The following CNTN1 variants were observed in gnomAD, a reference collection of about 807,000 sequenced individuals.
CNTN1 encodes contactin-1.
CNTN1 carries 38 observed loss-of-function variants against 126.4 expected under a neutral mutation model. The observed-to-expected ratio is 0.30, with a 90% CI of 0.23 to 0.39. The LOEUF (loss-of-function observed/expected upper bound fraction) is 0.39. Among genes scored for constraint, CNTN1 ranks in the 10% least tolerant of loss-of-function variants. The pLI is 1.00. For synonymous variants in CNTN1, 413 were observed against 422.6 expected, an observed-to-expected ratio of 0.98 and a Z score of 0.28; for missense variants, 1,009 against 1,248.4, an observed-to-expected ratio of 0.81 and a Z score of 2.89.
chr12:40,773,991 C>T (rs942899257), intron 1 of CNTN1, among the ~76,000 whole-genome samples: 14 of 151,220 alleles, frequency 9.3e-5, no homozygotes, highest in Admixed American at 2.7e-4. Context: ...AGCTCAACGA[C>T]GGAAAAGATG....
chr12:40,951,742 A>AG (rs1946694826), intron 14 of CNTN1, among the ~76,000 whole-genome samples: 2 of 148,550 alleles, frequency 1.3e-5, no homozygotes, highest in East Asian at 2.0e-4. Flanking sequence ...AAAAAAAAAA[A>AG]GAAGAAAAGG....
At chr12:40,819,351 G>A (rs1052162027) in intron 1 of CNTN1, among the ~76,000 whole-genome samples, 5 of 152,156 alleles carry the variant, frequency 3.3e-5, no homozygotes, top group South Asian at 2.1e-4. Context: ...GATCCAGGGA[G>A]CTCTGAATTC....
At chr12:41,057,226 A>C (rs1417164299) in intron 23 of CNTN1, among the ~76,000 whole-genome samples, 2 of 145,808 alleles carry the variant, frequency 1.4e-5, no homozygotes, top group African/African-American at 4.9e-5. Flanking sequence ...TATAAATATT[A>C]TTATAAATAT....
intron 23 of CNTN1, among the ~76,000 whole-genome samples, chr12:41,042,915 A>T (rs1949449869): frequency 6.6e-6 from 1 of 152,192 alleles, no homozygotes; most frequent in South Asian, 2.1e-4. Flanking sequence ...TTCCCTATTT[A>T]ATAAATGGTG....
At chr12:40,758,784 G>T (rs901334457) in intron 1 of CNTN1, among the ~76,000 whole-genome samples, 2 of 152,004 alleles carry the variant, frequency 1.3e-5, no homozygotes, top group Admixed American at 1.3e-4. Flanking sequence ...CAAATCTGAA[G>T]GAAAGAGACT....
intron 14 of CNTN1, among the ~76,000 whole-genome samples, chr12:40,947,591 C>T (rs1946475345): frequency 6.6e-6 from 1 of 151,604 alleles, no homozygotes; most frequent in Non-Finnish European, 1.5e-5. Context: ...TCATTTTATT[C>T]CTCTTTCAAG....
chr12:40,698,228 ATTTTTTTTTT>A (rs35570862), intron 1 of CNTN1, among the ~76,000 whole-genome samples: 22 of 69,866 alleles, frequency 3.1e-4, no homozygotes, highest in African/African-American at 1.1e-3. Flanking sequence ...CAGCCACTTA[ATTTTTTTTTT>A]TTTTTTTTTT....
chr12:40,962,314 T>C (rs931455312), intron 15 of CNTN1, among the ~76,000 whole-genome samples: 12 of 152,090 alleles, frequency 7.9e-5, no homozygotes, highest in African/African-American at 1.9e-4. Flanking sequence ...GGTGAGTATA[T>C]GCATACAGCA....
chr12:40,747,201 G>A (rs987668058), intron 1 of CNTN1, among the ~76,000 whole-genome samples: 1 of 151,966 alleles, frequency 6.6e-6, no homozygotes, highest in Non-Finnish European at 1.5e-5. Flanking sequence ...TGGGTGCATA[G>A]TTTACAAATG....
intron 1 of CNTN1, among the ~76,000 whole-genome samples, chr12:40,750,195 G>A (rs78588076): frequency 0.016 from 2,483 of 152,178 alleles, 25 homozygotes; most frequent in African/African-American, 0.026. Flanking sequence ...ATCTAGGAAG[G>A]CTGATTGTCA....
At chr12:41,024,264 G>C (rs144620934) in intron 20 of CNTN1, among the ~76,000 whole-genome samples, 1 of 152,000 alleles carries the variant, frequency 6.6e-6, no homozygotes, top group African/African-American at 2.4e-5. Context: ...TTACAATCCC[G>C]TTATTTTATA....
intron 1 of CNTN1, among the ~76,000 whole-genome samples, chr12:40,749,349 T>G (rs1012418864): frequency 6.6e-6 from 1 of 152,104 alleles, no homozygotes; most frequent in Non-Finnish European, 1.5e-5. Context: ...TTCACTGATT[T>G]CTTTGACTGA....
chr12:40,912,383 TTTA>T (rs1265823313), intron 3 of CNTN1, among the ~76,000 whole-genome samples: 2 of 133,982 alleles, frequency 1.5e-5, no homozygotes, highest in Non-Finnish European at 3.2e-5. Context: ...GTAGTCTGCA[TTTA>T]CTTTACTTTC....
At chr12:40,775,422 T>C (rs1193607527) in intron 1 of CNTN1, among the ~76,000 whole-genome samples, 1 of 151,516 alleles carries the variant, frequency 6.6e-6, no homozygotes, top group Non-Finnish European at 1.5e-5. Context: ...AAGTAGTTTA[T>C]CTTTAGTTCT....
rs543051834 is a variant in CNTN1, at chr12:41,070,568, G to A, written c.*533G>A. On this transcript the variant is annotated 3_prime_UTR_variant, in exon 24 of 24. Transcript: ENST00000551295. ...AGTTTTCTTGAAAAGACAATAGAGT[G>A]TAACAAATATTTTGTCAGAAATCCC... is the stretch of plus-strand genomic sequence containing the variant. The A allele has an allele frequency of 6.5e-6, 1 of 152,958 alleles. No homozygotes were observed. The highest frequency in any genetic ancestry group is 2.1e-4 in the South Asian group (1 of 4,862). 9.5% of individuals were successfully genotyped at this position (152,958 alleles called of 1,614,324 possible).
intron 17 of CNTN1, among the ~76,000 whole-genome samples, chr12:41,005,860 C>G (rs770580586): frequency 1.3e-5 from 2 of 152,146 alleles, no homozygotes; most frequent in African/African-American, 2.4e-5. Context: ...CCTTGGGTTA[C>G]AGTATACTGC....
chr12:40,984,081 TA>T (rs1281764399), intron 16 of CNTN1, among the ~76,000 whole-genome samples: 2 of 149,704 alleles, frequency 1.3e-5, no homozygotes, highest in East Asian at 3.9e-4. Context: ...TAAAGCTATC[TA>T]GGGGAAACAC....
chr12:40,892,308 C>G (rs1322262083), intron 1 of CNTN1, among the ~76,000 whole-genome samples: 1 of 152,068 alleles, frequency 6.6e-6, no homozygotes, highest in Non-Finnish European at 1.5e-5. Context: ...ACTCTGCATA[C>G]TCCTTAAAGT....
chr12:40,914,351 G>A (rs1314412644), intron 3 of CNTN1, among the ~76,000 whole-genome samples: 1 of 152,144 alleles, frequency 6.6e-6, no homozygotes, highest in Admixed American at 6.5e-5. Flanking sequence ...AGCCTGCGAG[G>A]GAGACATGAG....
Sources: allele counts gnomAD v4.1 joint callset (sites outside exome capture counted in the v4.1 genomes callset), GRCh38; gene constraint gnomAD v4.1.1; transcripts MANE v1.5; gene names NCBI Gene and HGNC (gene_info 2026-07-23, HGNC 2026-07-21).